MYT1L: variants seen among roughly 807,000 people sequenced by gnomAD.
MYT1L encodes myelin transcription factor 1 like, also known as myelin transcription factor 1-like protein.
Under a neutral mutation model 126.7 loss-of-function variants are expected in MYT1L, and 12 were observed. The ratio of observed to expected loss-of-function variants is 0.09; its 90% CI spans 0.06 to 0.15. The LOEUF is 0.15. Ranked by LOEUF, MYT1L falls within the 10% of genes least tolerant of loss-of-function variation. MYT1L has a pLI of 1.00. For missense variants in MYT1L, 979 were observed against 1,585.2 expected (o/e 0.62, Z 6.49); for synonymous variants, 541 against 604.2 (o/e 0.90, Z 1.53).
chr2:1,866,112 C>T (rs1417647896), intron 18 of MYT1L, among the ~76,000 whole-genome samples: 1 of 152,156 alleles, frequency 6.6e-6, no homozygotes. Flanking sequence ...CTCGAAGCAT[C>T]CAGGAGGCGG....
At position 2,143,476 on chromosome 2, in the gene MYT1L, T is replaced by C. The variant is rs575573232; in HGVS notation, c.-304+29396A>G. ...GCAATTCTATTGGTCAGGGATTCCC[T>C]TGGAAGCCAACGTTTATCTTAGACT... On this transcript the variant is annotated intron_variant, in intron 3 of 24. Coordinates refer to ENST00000647738, the MANE Select transcript of MYT1L (RefSeq NM_001303052.2). Among the ~76,000 whole-genome samples the C allele has an allele frequency of 3.3e-5, 5 of 152,198 alleles. No homozygotes were observed. In the South Asian group the frequency reaches 1.0e-3, roughly 32 times the overall value.
intron 16 of MYT1L, among the ~76,000 whole-genome samples, chr2:1,888,106 C>T (rs2048373732): frequency 6.6e-6 from 1 of 152,314 alleles, no homozygotes; most frequent in African/African-American, 2.4e-5. Flanking sequence ...CTGTAAATTT[C>T]CTTTTCCCTT....
intron 9 of MYT1L, among the ~76,000 whole-genome samples, chr2:1,930,697 T>A (rs1303786245): frequency 6.6e-6 from 1 of 152,206 alleles, no homozygotes; most frequent in Non-Finnish European, 1.5e-5. Context: ...AAGTTGCTCT[T>A]AAGAGTTGTT....
chr2:2,036,713 C>T (rs1364009727), intron 4 of MYT1L, among the ~76,000 whole-genome samples: 1 of 152,226 alleles, frequency 6.6e-6, no homozygotes, highest in Non-Finnish European at 1.5e-5. Context: ...TCATCGCTCA[C>T]CTGACTAATG....
intron 2 of MYT1L, among the ~76,000 whole-genome samples, chr2:2,216,553 C>T (rs979139335): frequency 4.6e-5 from 7 of 151,930 alleles, no homozygotes; most frequent in Non-Finnish European, 8.8e-5. Flanking sequence ...ACATTAAATG[C>T]GTATATCAGA....
chr2:1,835,430 C>T (rs1298805928), intron 21 of MYT1L, among the ~76,000 whole-genome samples: 2 of 152,140 alleles, frequency 1.3e-5, no homozygotes, highest in Non-Finnish European at 2.9e-5. Context: ...CCATTTCTAC[C>T]AAGTGTGTAT....
intron 3 of MYT1L, among the ~76,000 whole-genome samples, chr2:2,135,002 C>T (rs2082854983): frequency 6.6e-6 from 1 of 152,172 alleles, no homozygotes; most frequent in Non-Finnish European, 1.5e-5. Flanking sequence ...TTGGTCCTGG[C>T]TATTTCTATC....
intron 2 of MYT1L, among the ~76,000 whole-genome samples, chr2:2,217,944 G>A (rs1370628843): frequency 6.6e-6 from 1 of 152,080 alleles, no homozygotes; most frequent in East Asian, 1.9e-4. Flanking sequence ...GAAGATGTAT[G>A]GATAGGAAAT....
At chr2:2,272,108 C>T (rs574027437) in intron 2 of MYT1L, among the ~76,000 whole-genome samples, 2 of 152,300 alleles carry the variant, frequency 1.3e-5, no homozygotes, top group South Asian at 4.1e-4. Flanking sequence ...CTAAAGACGA[C>T]AGTCACCCTT....
chr2:2,275,202 ATGTGTGTG>A (rs10522538), intron 2 of MYT1L, among the ~76,000 whole-genome samples: 3,419 of 139,492 alleles, frequency 0.025, 48 homozygotes, highest in South Asian at 0.05. Context: ...TAATAATAAA[ATGTGTGTG>A]TGTGTGTGTG....
chr2:1,925,473 A>C (rs903102327), intron 9 of MYT1L, among the ~76,000 whole-genome samples: 1 of 152,216 alleles, frequency 6.6e-6, no homozygotes, highest in Non-Finnish European at 1.5e-5. Flanking sequence ...TTCTCCCTTC[A>C]GCAGCACGTA....
At chr2:2,226,472 C>T (rs1265786535) in intron 2 of MYT1L, among the ~76,000 whole-genome samples, 1 of 152,166 alleles carries the variant, frequency 6.6e-6, no homozygotes, top group South Asian at 2.1e-4. Context: ...TCTCCTGGAT[C>T]CCGTCCACCC....
intron 3 of MYT1L, among the ~76,000 whole-genome samples, chr2:2,154,175 T>C (rs1276727221): frequency 6.6e-6 from 1 of 152,192 alleles, no homozygotes; most frequent in Non-Finnish European, 1.5e-5. Context: ...GGAGGGCTGA[T>C]GCCCAATGAC....
rs866117976 is a variant in MYT1L at position 2,313,406 on chromosome 2, G to T, written c.-521+17561C>A. Among the ~76,000 whole-genome samples, 5 of 152,278 alleles carry T rather than the reference G, an allele frequency of 3.3e-5. No homozygotes were observed. The Middle Eastern group carries it at 0.01, about 311-fold the overall frequency. ...AGGAGTCAGTCTCTGGAGAGGAACT[G>T]GGGCTCAGTAGAGATAATGCCTGGT... is the stretch of plus-strand genomic sequence containing the variant. On this transcript the variant is annotated intron_variant, in intron 1 of 24. Coordinates refer to ENST00000647738, the MANE Select transcript of MYT1L (RefSeq NM_001303052.2).
chr2:2,222,199 G>T (rs2093893715), intron 2 of MYT1L, among the ~76,000 whole-genome samples: 1 of 152,134 alleles, frequency 6.6e-6, no homozygotes, highest in Non-Finnish European at 1.5e-5. Flanking sequence ...TATCCTTTTA[G>T]AAATATTTTG....
chr2:2,174,606 CT>C (rs1323144292), intron 2 of MYT1L, among the ~76,000 whole-genome samples: 1 of 152,174 alleles, frequency 6.6e-6, no homozygotes, highest in Non-Finnish European at 1.5e-5. Flanking sequence ...TGAATGTGCG[CT>C]TAGTGGGTAC....
intron 9 of MYT1L, among the ~76,000 whole-genome samples, chr2:1,941,560 G>A (rs936014435): frequency 1.3e-5 from 2 of 152,156 alleles, no homozygotes; most frequent in Non-Finnish European, 2.9e-5. Flanking sequence ...ATTTAATAGC[G>A]ATGATGGTAA....
chr2:1,976,255 T>C (rs2060175631), intron 8 of MYT1L, among the ~76,000 whole-genome samples: 2 of 152,138 alleles, frequency 1.3e-5, no homozygotes, highest in Admixed American at 1.3e-4. Context: ...ATCACAGCTG[T>C]GTTCACAGAG....
intron 3 of MYT1L, among the ~76,000 whole-genome samples, chr2:2,080,326 G>A (rs577481102): frequency 1.3e-5 from 2 of 152,186 alleles, no homozygotes; most frequent in Admixed American, 1.3e-4. Context: ...AAACGCATAA[G>A]TTTAGCTTAA....
Sources: gnomAD v4.1 joint callset for allele counts (sites outside exome capture counted in the v4.1 genomes callset) on GRCh38, gnomAD v4.1.1 for gene constraint, MANE v1.5 for transcripts, NCBI Gene and HGNC (gene_info 2026-07-23, HGNC 2026-07-21) for gene names.